Variants in GPC5 observed in about 807,000 individuals in gnomAD.
GPC5 encodes the protein glypican 5.
In GPC5, 47 loss-of-function variants were observed where a neutral mutation model predicts 53.9. That is an observed-to-expected ratio of 0.87 (90% CI 0.69 to 1.11). The LOEUF (loss-of-function observed/expected upper bound fraction) is 1.11. GPC5 is among the 50% of genes most tolerant of loss of function. The pLI, the probability that GPC5 is intolerant of heterozygous loss-of-function variation, is 0.00. For missense variants in GPC5, 748 were observed against 713.1 expected (o/e 1.05, Z -0.56); for synonymous variants, 286 against 263.3 (o/e 1.09, Z -0.84).
chr13:91,479,303 T>C (rs1001742651), intron 2 of GPC5, among the ~76,000 whole-genome samples: 4 of 152,134 alleles, frequency 2.6e-5, no homozygotes, highest in Non-Finnish European at 4.4e-5. Context: ...TTTTATCATG[T>C]CACAAAAGCA....
At chr13:91,672,510 A>G (rs956774448) in intron 2 of GPC5, among the ~76,000 whole-genome samples, 5 of 152,234 alleles carry the variant, frequency 3.3e-5, no homozygotes, top group African/African-American at 1.2e-4. Flanking sequence ...ATCATCAGAG[A>G]AATGCAAATC....
At chr13:91,446,051 C>T (rs1880784589) in intron 1 of GPC5, among the ~76,000 whole-genome samples, 1 of 152,076 alleles carries the variant, frequency 6.6e-6, no homozygotes, top group Non-Finnish European at 1.5e-5. Context: ...TCTCCCCATT[C>T]TGTTTGTATT....
chr13:92,141,601 C>G (rs566314529), intron 6 of GPC5, among the ~76,000 whole-genome samples: 1 of 152,212 alleles, frequency 6.6e-6, no homozygotes, highest in East Asian at 1.9e-4. Flanking sequence ...AGAGTGTATT[C>G]ATGTATTCAT....
intron 5 of GPC5, among the ~76,000 whole-genome samples, chr13:91,858,717 T>A (rs1166177280): frequency 6.6e-6 from 1 of 151,944 alleles, no homozygotes; most frequent in Non-Finnish European, 1.5e-5. Context: ...TTCACAGTAG[T>A]TTGAGTAGGA....
intron 7 of GPC5, among the ~76,000 whole-genome samples, chr13:92,612,067 T>A (rs576795071): frequency 4.0e-4 from 61 of 152,162 alleles, no homozygotes; most frequent in African/African-American, 1.4e-3. Flanking sequence ...CTACAATAAA[T>A]AATGAAGGAT....
intron 7 of GPC5, among the ~76,000 whole-genome samples, chr13:92,496,895 G>T (rs1320163166): frequency 6.6e-6 from 1 of 152,140 alleles, no homozygotes; most frequent in East Asian, 1.9e-4. Flanking sequence ...CTCCTCAGAA[G>T]AAAGAATTCA....
At chr13:92,594,286 G>C (rs1224133574) in intron 7 of GPC5, among the ~76,000 whole-genome samples, 1 of 152,144 alleles carries the variant, frequency 6.6e-6, no homozygotes, top group Non-Finnish European at 1.5e-5. Context: ...CTCATTGAAG[G>C]CAGGCACGGG....
intron 4 of GPC5, among the ~76,000 whole-genome samples, chr13:91,736,634 T>G (rs1412019457): frequency 1.3e-5 from 2 of 151,508 alleles, no homozygotes; most frequent in Non-Finnish European, 2.9e-5. Context: ...AACATCCAAA[T>G]TATTAACAAA....
intron 7 of GPC5, among the ~76,000 whole-genome samples, chr13:92,636,910 C>T (rs1931047): frequency 0.86 from 130,223 of 152,110 alleles, 57,626 homozygotes; most frequent in Non-Finnish European, 0.98. Context: ...CCTATGTTTC[C>T]TATTTTGATG....
intron 7 of GPC5, among the ~76,000 whole-genome samples, chr13:92,736,487 T>A (rs1253102221): frequency 6.6e-6 from 1 of 151,912 alleles, no homozygotes; most frequent in East Asian, 2.0e-4. Flanking sequence ...CTTGTTCGAA[T>A]CATTTTCCCA....
chr13:91,664,927 C>T (rs2035071869), intron 2 of GPC5, among the ~76,000 whole-genome samples: 1 of 152,138 alleles, frequency 6.6e-6, no homozygotes, highest in African/African-American at 2.4e-5. Context: ...AAGCTTCCCA[C>T]TTCATTCTCA....
intron 3 of GPC5, among the ~76,000 whole-genome samples, chr13:91,699,846 GTGTTGA>G (rs1441842192): frequency 6.6e-6 from 1 of 152,156 alleles, no homozygotes; most frequent in African/African-American, 2.4e-5. Context: ...TCACTATATA[GTGTTGA>G]GGAACTTCTT....
In GPC5 at chr13:91,522,845, T is replaced by G. The variant is rs564624071; in HGVS notation, c.325+73923T>G. Among the ~76,000 whole-genome samples the G allele has an allele frequency of 1.9e-3, 283 of 152,332 alleles. 1 individual carries two copies. Among genetic ancestry groups the G allele is most frequent in the African/African-American group, 6.5e-3 (272 of 41,582 alleles). On this transcript the variant is annotated intron_variant, in intron 2 of 7. Transcript: ENST00000377067. ...CCATGTCCCTGCAAAGGACATGAAC[T>G]CATCCTTTTTTTGGCTGCATAGTAT...
chr13:92,026,246 A>T (rs1301486494), intron 6 of GPC5, among the ~76,000 whole-genome samples: 1 of 152,012 alleles, frequency 6.6e-6, no homozygotes, highest in Non-Finnish European at 1.5e-5. Context: ...CAAATTATTA[A>T]TAATGTATAG....
At chr13:91,630,769 C>T (rs531132580) in intron 2 of GPC5, among the ~76,000 whole-genome samples, 1 of 152,240 alleles carries the variant, frequency 6.6e-6, no homozygotes, top group East Asian at 1.9e-4. Flanking sequence ...TCAGAAAATT[C>T]ACACCTTTTC....
intron 1 of GPC5, among the ~76,000 whole-genome samples, chr13:91,443,340 TG>T (rs1303819967): frequency 6.6e-6 from 1 of 152,078 alleles, no homozygotes; most frequent in East Asian, 1.9e-4. Flanking sequence ...CACAGAGAAA[TG>T]GCCATGTGAG....
At chr13:92,365,621 C>T in intron 7 of GPC5, among the ~76,000 whole-genome samples, 1 of 151,102 alleles carries the variant, frequency 6.6e-6, no homozygotes, top group East Asian at 1.9e-4. Flanking sequence ...GTCTTTATAT[C>T]CTTATTCTAC....
At chr13:91,888,200 G>A (rs935427095) in intron 5 of GPC5, among the ~76,000 whole-genome samples, 2 of 152,120 alleles carry the variant, frequency 1.3e-5, no homozygotes, top group African/African-American at 4.8e-5. Flanking sequence ...GTGTGCAGGG[G>A]AACTGCCCTT....
At chr13:92,057,503 C>T (rs112083868) in intron 6 of GPC5, among the ~76,000 whole-genome samples, 8 of 152,278 alleles carry the variant, frequency 5.3e-5, no homozygotes, top group African/African-American at 1.9e-4. Context: ...AATACTCTTT[C>T]TCTCTTTAGT....
Sources: gnomAD v4.1 joint callset for allele counts (sites outside exome capture counted in the v4.1 genomes callset) on GRCh38, gnomAD v4.1.1 for gene constraint, MANE v1.5 for transcripts, NCBI Gene and HGNC (gene_info 2026-07-23, HGNC 2026-07-21) for gene names.